The following XIRP2 variants were observed in gnomAD, a reference collection of about 807,000 sequenced individuals.
XIRP2 encodes the protein xin actin-binding repeat-containing protein 2.
Under a neutral mutation model 277.0 loss-of-function variants are expected in XIRP2, and 236 were observed. That is an observed-to-expected ratio of 0.85 (90% CI 0.77 to 0.95). The LOEUF is 0.95. Ranked by LOEUF, XIRP2 falls within the 40% of genes least tolerant of loss-of-function variation. The pLI, the probability that XIRP2 is intolerant of heterozygous loss-of-function variation, is 0.00. For missense variants in XIRP2, 4,640 were observed against 4,157.5 expected, an observed-to-expected ratio of 1.12 and a Z score of -3.19; for synonymous variants, 1,490 against 1,416.5, an observed-to-expected ratio of 1.05 and a Z score of -1.17.
At chr2:167,167,733 A>G (rs1692565034) in intron 3 of XIRP2, among the ~76,000 whole-genome samples, 2 of 152,196 alleles carry the variant, frequency 1.3e-5, no homozygotes, top group African/African-American at 4.8e-5. Context: ...ATATAATCAA[A>G]TACATTATTG....
At position 167,206,261 on chromosome 2, in the gene XIRP2, AT is replaced by A. The variant is rs1199065017; in HGVS notation, c.563-4466del. Among the ~76,000 whole-genome samples the A allele has an allele frequency of 4.6e-5, 7 of 151,684 alleles. No individual in the cohort carries two copies. In the East Asian group the frequency reaches 7.7e-4, roughly 17 times the overall value. Reference sequence around the variant, plus strand: ...CTATGCCCAAATTTCATTTTTGGCAATTTTTTTTCTTCTAGTATAACTTATT... The same window carrying A: ...CTATGCCCAAATTTCATTTTTGGCAATTTTTTTCTTCTAGTATAACTTATT... On this transcript the variant is annotated intron_variant, in intron 3 of 10. Coordinates refer to ENST00000409195, the MANE Select transcript of XIRP2 (RefSeq NM_152381.6).
At position 167,137,948 on chromosome 2, in the gene XIRP2, A is replaced by C. The variant is rs112712995; in HGVS notation, c.562+1886A>C. The stretch of plus-strand genomic sequence containing the variant: ...ATCTCTGTTGGGACAAGAATGAACT[A>C]TTTTAATACTTAATTTAGTTAACTT... On this transcript the variant is annotated intron_variant, in intron 3 of 10. Transcript: ENST00000409195. Among the ~76,000 whole-genome samples the C allele has an allele frequency of 7.8e-3, 1,191 of 152,306 alleles. 8 individuals are homozygous for C. The highest frequency in any genetic ancestry group is 0.013 in the Non-Finnish European group (894 of 68,020).
At chr2:167,039,488 G>A (rs1180749527) in intron 2 of XIRP2, among the ~76,000 whole-genome samples, 1 of 152,158 alleles carries the variant, frequency 6.6e-6, no homozygotes, top group Non-Finnish European at 1.5e-5. Flanking sequence ...TACAGAGAAA[G>A]GAACAATCAT....
At chr2:166,917,652 G>C (rs1198358451) in intron 2 of XIRP2, among the ~76,000 whole-genome samples, 1 of 151,928 alleles carries the variant, frequency 6.6e-6, no homozygotes, top group African/African-American at 2.4e-5. Flanking sequence ...AACCATACAA[G>C]GATGTTAAGC....
chr2:167,084,494 T>C (rs1258243892), intron 2 of XIRP2, among the ~76,000 whole-genome samples: 1 of 150,994 alleles, frequency 6.6e-6, no homozygotes, highest in Non-Finnish European at 1.5e-5. Context: ...TTCTATTGAT[T>C]GGAATAGTTT....
At chr2:166,959,912 G>C (rs920471356) in intron 2 of XIRP2, among the ~76,000 whole-genome samples, 1 of 151,722 alleles carries the variant, frequency 6.6e-6, no homozygotes. Flanking sequence ...AAATGGAGAT[G>C]AATGGTAGCT....
chr2:167,191,591 G>A (rs1023796008), intron 3 of XIRP2, among the ~76,000 whole-genome samples: 2 of 152,082 alleles, frequency 1.3e-5, no homozygotes, highest in African/African-American at 4.8e-5. Context: ...AAGGAGACCT[G>A]TCTGCATATT....
At chr2:167,084,678 A>G (rs893569133) in intron 2 of XIRP2, among the ~76,000 whole-genome samples, 13 of 152,020 alleles carry the variant, frequency 8.6e-5, no homozygotes, top group Admixed American at 6.5e-4. Flanking sequence ...GGGAGAGTGT[A>G]TGTGTTGAGG....
At chr2:166,983,619 G>T (rs1203830225) in intron 2 of XIRP2, among the ~76,000 whole-genome samples, 2 of 152,018 alleles carry the variant, frequency 1.3e-5, no homozygotes, top group African/African-American at 4.8e-5. Context: ...TTGTAGTCTT[G>T]ACTTCATGCT....
intron 1 of XIRP2, among the ~76,000 whole-genome samples, chr2:166,900,606 T>C (rs1684356972): frequency 6.6e-6 from 1 of 152,076 alleles, no homozygotes; most frequent in African/African-American, 2.4e-5. Flanking sequence ...TATGTATTTC[T>C]GACCTTTGAC....
intron 3 of XIRP2, among the ~76,000 whole-genome samples, chr2:167,154,381 T>G (rs995912326): frequency 1.3e-4 from 20 of 151,612 alleles, no homozygotes; most frequent in African/African-American, 4.9e-4. Context: ...TGAAGGTAGT[T>G]TCTTTTGCTG....
At chr2:167,230,619 G>A (rs1694721687) in intron 5 of XIRP2, among the ~76,000 whole-genome samples, 1 of 151,992 alleles carries the variant, frequency 6.6e-6, no homozygotes, top group Admixed American at 6.6e-5. Flanking sequence ...CTATATTCAT[G>A]ATATATCTTT....
intron 2 of XIRP2, among the ~76,000 whole-genome samples, chr2:166,960,620 GTAT>G (rs1483396271): frequency 5.3e-5 from 8 of 151,766 alleles, no homozygotes; most frequent in Non-Finnish European, 1.2e-4. Context: ...AAAGCAATGT[GTAT>G]TATAAGGGGT....
At chr2:167,008,205 C>G (rs1687558994) in intron 2 of XIRP2, among the ~76,000 whole-genome samples, 1 of 151,580 alleles carries the variant, frequency 6.6e-6, no homozygotes, top group East Asian at 1.9e-4. Context: ...TAGACCCAAG[C>G]TCTATCTTCA....
intron 2 of XIRP2, among the ~76,000 whole-genome samples, chr2:166,909,926 G>A (rs527255112): frequency 1.3e-4 from 20 of 152,234 alleles, no homozygotes; most frequent in African/African-American, 3.1e-4. Flanking sequence ...ACTGATTTGC[G>A]TATGTTGAAC....
chr2:166,929,675 A>C (rs980504859), intron 2 of XIRP2, among the ~76,000 whole-genome samples: 1 of 152,092 alleles, frequency 6.6e-6, no homozygotes, highest in African/African-American at 2.4e-5. Context: ...GTATTTTATC[A>C]AAACTTACCT....
At chr2:167,088,716 C>G (rs1690043356) in intron 2 of XIRP2, among the ~76,000 whole-genome samples, 1 of 152,276 alleles carries the variant, frequency 6.6e-6, no homozygotes, top group East Asian at 1.9e-4. Context: ...AAATCCCTAG[C>G]ACATGCTCCT....
chr2:167,175,103 T>G (rs4270315), intron 3 of XIRP2, among the ~76,000 whole-genome samples: 15,013 of 152,136 alleles, frequency 0.099, 794 homozygotes, highest in South Asian at 0.15. Context: ...AGGTCTGCTT[T>G]GTCCAGAGCT....
chr2:166,957,027 T>C lies in XIRP2; in HGVS notation c.408+53137T>C, dbSNP rs180946929. Among the ~76,000 whole-genome samples the C allele has an allele frequency of 3.3e-5, 5 of 151,974 alleles. No homozygotes were observed. In the East Asian group the frequency reaches 9.7e-4, roughly 30 times the overall value. ...ATTATATCATAAGCATTTTATATAA[T>C]GTTACACCCTCTTTAAAACCATTGT... On this transcript the variant is annotated intron_variant, in intron 2 of 10. Transcript: ENST00000409195.
Sources: allele counts gnomAD v4.1 joint callset (sites outside exome capture counted in the v4.1 genomes callset), GRCh38; gene constraint gnomAD v4.1.1; transcripts MANE v1.5; gene names NCBI Gene and HGNC (gene_info 2026-07-23, HGNC 2026-07-21).